Variants in ECT2 observed in about 807,000 individuals in gnomAD.
ECT2 encodes the protein epithelial cell transforming 2.
In ECT2, 61 loss-of-function variants were observed where a neutral mutation model predicts 116.9. The observed-to-expected ratio is 0.52, with a 90% CI of 0.42 to 0.65. ECT2 has a LOEUF of 0.65. Ranked by LOEUF, ECT2 falls within the 30% of genes least tolerant of loss-of-function variation. The pLI, the probability that ECT2 is intolerant of heterozygous loss-of-function variation, is 0.00. For synonymous variants in ECT2, 358 were observed against 346.4 expected (o/e 1.03, Z -0.37); for missense variants, 937 against 1,078.7 (o/e 0.87, Z 1.84).
intron 23 of ECT2, among the ~76,000 whole-genome samples, chr3:172,816,261 G>T (rs1000316028): frequency 6.6e-6 from 1 of 151,836 alleles, no homozygotes; most frequent in Admixed American, 6.6e-5. Flanking sequence ...TTCCCTTGGT[G>T]GGGGGGCTTT....
At chr3:172,793,684 G>A (rs1246486074) in intron 18 of ECT2, among the ~76,000 whole-genome samples, 3 of 151,738 alleles carry the variant, frequency 2.0e-5, no homozygotes, top group Admixed American at 6.6e-5. Context: ...GTCTGGTCTC[G>A]ATCTCCTGAC....
chr3:172,805,255 T>A (rs115572817), intron 20 of ECT2, among the ~76,000 whole-genome samples: 1,533 of 152,108 alleles, frequency 0.01, 32 homozygotes, highest in African/African-American at 0.035. Flanking sequence ...TTAAATGTTT[T>A]ATCTGTATTT....
chr3:172,786,888 T>C (rs1035958304), intron 18 of ECT2, among the ~76,000 whole-genome samples: 3 of 152,224 alleles, frequency 2.0e-5, no homozygotes, highest in African/African-American at 7.2e-5. Context: ...TTCATATTAA[T>C]GTGTATTGCC....
rs1434254588 is a variant in ECT2, at chr3:172,773,885, G to A, written c.1429-18G>A. 4 of 1,609,894 alleles carry A rather than the reference G, an allele frequency of 2.5e-6. No homozygotes were observed. The highest frequency in any genetic ancestry group is 2.5e-6 in the Non-Finnish European group (3 of 1,177,412). ...TTTTTCCCACAATCTACTTAAACTA[G>A]TCTTTTTTCTCATTTAGTTATTTCA... On this transcript the variant is annotated intron_variant, in intron 13 of 24. Coordinates refer to ENST00000392692, the MANE Select transcript of ECT2 (RefSeq NM_001258315.2).
chr3:172,799,534 G>T (rs185554843), intron 18 of ECT2, among the ~76,000 whole-genome samples: 1 of 152,250 alleles, frequency 6.6e-6, no homozygotes, highest in Admixed American at 6.5e-5. Context: ...GACAAAACCT[G>T]ACCTAAGAAA....
chr3:172,825,983 T>G (rs1730830292), downstream of ECT2, among the ~76,000 whole-genome samples: 1 of 152,216 alleles, frequency 6.6e-6, no homozygotes, highest in African/African-American at 2.4e-5. Context: ...AACCTCTGCC[T>G]CCTGAGTTCA....
In ECT2 at chr3:172,820,245, C is replaced by T. The variant is rs200963754; in HGVS notation, c.*8C>T. On this transcript the variant is annotated 3_prime_UTR_variant, in exon 25 of 25. Coordinates refer to ENST00000392692, the MANE Select transcript of ECT2 (RefSeq NM_001258315.2). ...ACAACTCATTTGATATGAAGCGTTACCAAAATCTTAAATTATAGAAATGTA... is the reference window on the plus strand; with the variant it reads ...ACAACTCATTTGATATGAAGCGTTATCAAAATCTTAAATTATAGAAATGTA... 1.4e-5 allele frequency: 22 copies of T among 1,579,890 alleles called. No individual in the cohort carries two copies. In the East Asian group the frequency reaches 4.1e-4, roughly 29 times the overall value.
At position 172,769,152 on chromosome 3, in the gene ECT2, G is replaced by A. The variant is rs746434942; in HGVS notation, c.1428+9G>A. 5.6e-6 allele frequency: 9 copies of A among 1,596,658 alleles called. No homozygotes were observed. On this transcript the variant is annotated intron_variant, in intron 13 of 24. Coordinates refer to ENST00000392692, the MANE Select transcript of ECT2 (RefSeq NM_001258315.2). ...TGGCAACAATTATTCAGGTAAGTAT[G>A]AGTTTGATTGAAAAATGATTTCTGT...
At chr3:172,777,032 T>A (rs2108584252) in intron 14 of ECT2, among the ~76,000 whole-genome samples, 1 of 152,158 alleles carries the variant, frequency 6.6e-6, no homozygotes, top group African/African-American at 2.4e-5. Context: ...CCACCACACC[T>A]GGCTAATTTT....
At chr3:172,762,837 A>T (rs759287302) in intron 10 of ECT2, 31 bp downstream of exon 10, 3 of 1,609,452 alleles carry the variant, frequency 1.9e-6, no homozygotes, top group South Asian at 1.1e-5. Context: ...GTTGGTTTTT[A>T]AAAACACTAT....
At chr3:172,777,758 G>A (rs1559969783) in intron 14 of ECT2, among the ~76,000 whole-genome samples, 1 of 152,150 alleles carries the variant, frequency 6.6e-6, no homozygotes, top group Non-Finnish European at 1.5e-5. Flanking sequence ...AATTAGCTGG[G>A]TGTGGTGGCG....
chr3:172,810,995 G>A (rs1728671743), intron 22 of ECT2, among the ~76,000 whole-genome samples: 1 of 152,098 alleles, frequency 6.6e-6, no homozygotes. Flanking sequence ...GAATAAGTCA[G>A]AAAATGTTTT....
rs373039214 is a variant in ECT2, at chr3:172,796,958, C to G, written c.1908-5658C>G. ...GGAGGCATGAGCCATCACGCCCAGC[C>G]TTATTTCTTAAGGTAGCATTTTCCT... On this transcript the variant is annotated intron_variant, in intron 18 of 24. Coordinates refer to ENST00000392692, the MANE Select transcript of ECT2 (RefSeq NM_001258315.2). 1.7e-3 allele frequency among the ~76,000 whole-genome samples: 265 copies of G among 151,512 alleles called. 5 individuals are homozygous for G. The highest frequency in any genetic ancestry group is 6.2e-3 in the African/African-American group (257 of 41,234).
At chr3:172,795,225 G>A (rs1281309655) in intron 18 of ECT2, among the ~76,000 whole-genome samples, 2 of 151,482 alleles carry the variant, frequency 1.3e-5, no homozygotes, top group Admixed American at 6.6e-5. Context: ...CTACTCAGAG[G>A]CTGAGGCAGG....
At chr3:172,826,960 A>G in the ECT2 span, among the ~76,000 whole-genome samples, 1 of 152,232 alleles carries the variant, frequency 6.6e-6, no homozygotes, top group East Asian at 1.9e-4. Context: ...AAAAGATCCA[A>G]TTTTAAAATA....
intron 18 of ECT2, among the ~76,000 whole-genome samples, chr3:172,790,896 A>C (rs1273284856): frequency 2.0e-5 from 3 of 152,312 alleles, no homozygotes; most frequent in South Asian, 4.1e-4. Flanking sequence ...GGCTCATGCC[A>C]GTAATCCCAG....
Position 172,773,916 on chromosome 3 carries a change from C to T in ECT2, c.1442C>T (p.Pro481Leu). The stretch of plus-strand genomic sequence containing the variant: ...TTTCTCATTTAGTTATTTCAAGTAC[C>T]ATTGGAAGAGGAAGGACAACGTGGT... ...LATIIQLFQV[P>L]LEEEGQRGGP... Residue 481 changes from proline (P) to leucine (L), a missense_variant, in exon 14 of 25, where the codon CCA becomes CTA. By Grantham distance (98) the Pro-to-Leu change is moderately conservative. Transcript: ENST00000392692. 6.2e-7 allele frequency: 1 copy of T among 1,613,010 alleles called. No individual in the cohort carries two copies. The highest frequency in any genetic ancestry group is 8.5e-7 in the Non-Finnish European group (1 of 1,179,416).
At chr3:172,759,205 A>G (rs927347441) in intron 6 of ECT2, 136 bp downstream of exon 6, 5 of 585,370 alleles carry the variant, frequency 8.5e-6, no homozygotes, top group Non-Finnish European at 1.1e-5. Flanking sequence ...ACCAGATTTT[A>G]AATTTTCTGA....
intron 4 of ECT2, 37 bp downstream of exon 4, chr3:172,755,612 A>C: frequency 9.3e-7 from 1 of 1,080,992 alleles, no homozygotes; most frequent in South Asian, 1.6e-5. Flanking sequence ...GGCATGCTGC[A>C]CTTCCCTTGA....
Sources: gnomAD v4.1 joint callset for allele counts (sites outside exome capture counted in the v4.1 genomes callset) on GRCh38, gnomAD v4.1.1 for gene constraint, MANE v1.5 for transcripts, NCBI Gene and HGNC (gene_info 2026-07-23, HGNC 2026-07-21) for gene names.